The following CPEB3 variants were observed in gnomAD, a reference collection of about 807,000 sequenced individuals.
The protein encoded by CPEB3 is cytoplasmic polyadenylation element binding protein 3.
In CPEB3, 20 loss-of-function variants were observed where a neutral mutation model predicts 67.2. That is an observed-to-expected ratio of 0.30 (90% CI 0.21 to 0.43). CPEB3 has a LOEUF of 0.43. Ranked by LOEUF, CPEB3 falls within the 20% of genes least tolerant of loss-of-function variation. The probability of loss-of-function intolerance (pLI) is 1.00; values close to 1 mark genes in which losing one functional copy is unlikely to be tolerated. For missense variants in CPEB3, 746 were observed against 968.6 expected, an observed-to-expected ratio of 0.77 and a Z score of 3.05; for synonymous variants, 376 against 393.1, an observed-to-expected ratio of 0.96 and a Z score of 0.51.
At chr10:92,198,930 A>C (rs1309256767) in intron 2 of CPEB3, among the ~76,000 whole-genome samples, 1 of 152,218 alleles carries the variant, frequency 6.6e-6, no homozygotes, top group East Asian at 1.9e-4. Flanking sequence ...AGGACCAAAA[A>C]TCAAAAGGAT....
At chr10:92,113,824 T>A (rs527520636) in intron 6 of CPEB3, among the ~76,000 whole-genome samples, 1 of 151,852 alleles carries the variant, frequency 6.6e-6, no homozygotes, top group Non-Finnish European at 1.5e-5. Flanking sequence ...CTCACAGCCA[T>A]AAAATATCTA....
chr10:92,185,001 A>G (rs1848623772), intron 3 of CPEB3, among the ~76,000 whole-genome samples: 1 of 152,188 alleles, frequency 6.6e-6, no homozygotes, highest in South Asian at 2.1e-4. Flanking sequence ...GGAATTTTGG[A>G]GGAAAATAAA....
intron 3 of CPEB3, among the ~76,000 whole-genome samples, chr10:92,186,525 C>T (rs572065382): frequency 1.3e-5 from 2 of 151,456 alleles, no homozygotes; most frequent in South Asian, 2.1e-4. Context: ...AGCTCCACCT[C>T]GTGGGTTCAA....
At chr10:92,134,507 TAA>T (rs1453336525) in intron 6 of CPEB3, among the ~76,000 whole-genome samples, 1 of 151,610 alleles carries the variant, frequency 6.6e-6, no homozygotes, top group Non-Finnish European at 1.5e-5. Flanking sequence ...CTCAATGAAA[TAA>T]AAGAGGATAC....
intron 9 of CPEB3, among the ~76,000 whole-genome samples, chr10:92,068,005 G>A (rs966568676): frequency 6.6e-6 from 1 of 152,130 alleles, no homozygotes; most frequent in African/African-American, 2.4e-5. Context: ...TACAAAGGAT[G>A]AGACTTACCA....
At chr10:92,154,824 T>G (rs897745666) in intron 4 of CPEB3, among the ~76,000 whole-genome samples, 2 of 152,212 alleles carry the variant, frequency 1.3e-5, no homozygotes, top group Non-Finnish European at 2.9e-5. Flanking sequence ...TTTCAACACT[T>G]ATCAGGAGAG....
At chr10:92,257,993 G>C (rs1368055255) in intron 1 of CPEB3, among the ~76,000 whole-genome samples, 2 of 152,050 alleles carry the variant, frequency 1.3e-5, no homozygotes, top group Non-Finnish European at 2.9e-5. Flanking sequence ...GCCTACCAAA[G>C]TGCTGGGATT....
chr10:92,208,026 G>A (rs1008927338), intron 2 of CPEB3, among the ~76,000 whole-genome samples: 1 of 152,244 alleles, frequency 6.6e-6, no homozygotes, highest in Admixed American at 6.5e-5. Context: ...GGGATATGTT[G>A]AAGTAGGATA....
At chr10:92,195,474 C>G (rs76720585) in intron 2 of CPEB3, among the ~76,000 whole-genome samples, 15 of 152,226 alleles carry the variant, frequency 9.9e-5, no homozygotes, top group South Asian at 2.1e-4. Context: ...TTATCTGTAC[C>G]CATAAGAGGT....
chr10:92,226,416 C>G (rs879886089), intron 2 of CPEB3, among the ~76,000 whole-genome samples: 2 of 152,196 alleles, frequency 1.3e-5, no homozygotes, highest in African/African-American at 4.8e-5. Flanking sequence ...TTCCTATCAG[C>G]CTTACACCTG....
chr10:92,052,228 G>C lies in CPEB3; in HGVS notation c.2081C>G (p.Pro694Arg), dbSNP rs762507424. 6.2e-7 allele frequency: 1 copy of C among 1,613,454 alleles called. No individual in the cohort carries two copies. The highest frequency in any genetic ancestry group is 1.1e-5 in the South Asian group (1 of 91,028). ...GCCCGTGGCTCAGCTCCAGCGGAACGGGACGTGACGAGGGCGGTCGCCTCC... is the reference window on the plus strand; with the variant it reads ...GCCCGTGGCTCAGCTCCAGCGGAACCGGACGTGACGAGGGCGGTCGCCTCC... The part of the protein sequence containing the change: ...KEGGDRPRHV[P>R]FRWS Residue 694 changes from proline to arginine, a missense_variant, in exon 10 of 10, where the codon CCG (proline) becomes CGG (arginine). Pro to Arg is a moderately radical substitution (Grantham distance 103). Transcript: ENST00000265997.
chr10:92,291,120 G>T, upstream of CPEB3: 1 of 356,852 alleles, frequency 2.8e-6, no homozygotes, highest in Non-Finnish European at 5.1e-6. Flanking sequence ...GGCTGCTCTG[G>T]GCCGCCCTGC....
chr10:92,202,416 A>G (rs1315374285), intron 2 of CPEB3, among the ~76,000 whole-genome samples: 1 of 151,434 alleles, frequency 6.6e-6, no homozygotes, highest in Non-Finnish European at 1.5e-5. Context: ...AAATGGATAA[A>G]CAAATTTTGG....
Position 92,051,231 on chromosome 10 carries a change from T to G in CPEB3, c.*981A>C, listed in dbSNP as rs531847578. ...TTCTTTGAATGAAAAAAACTTTTTT[T>G]AAAAAATGAGTATTTTTATAGCTTA... On this transcript the variant is annotated 3_prime_UTR_variant, in exon 10 of 10. Coordinates refer to ENST00000265997, the MANE Select transcript of CPEB3 (RefSeq NM_014912.5). 6.6e-6 allele frequency: 1 copy of G among 152,636 alleles called. No homozygotes were observed. The highest frequency in any genetic ancestry group is 2.4e-5 in the African/African-American group (1 of 41,466). The allele number at this position is 152,636 out of a possible 1,614,324, so 9.5% of individuals were successfully genotyped here.
At chr10:92,266,048 T>G (rs1328632979) in intron 1 of CPEB3, among the ~76,000 whole-genome samples, 2 of 152,106 alleles carry the variant, frequency 1.3e-5, no homozygotes, top group Non-Finnish European at 1.5e-5. Flanking sequence ...CTTAGTGCCC[T>G]CGACATGTGA....
intron 2 of CPEB3, among the ~76,000 whole-genome samples, chr10:92,204,836 C>CTTTTTTT (rs750482213): frequency 8.0e-6 from 1 of 125,060 alleles, no homozygotes; most frequent in African/African-American, 3.1e-5. Context: ...ATCTTAACCA[C>CTTTTTTT]TTTTTTTTTT....
intron 4 of CPEB3, among the ~76,000 whole-genome samples, chr10:92,151,342 C>T (rs1846957982): frequency 6.6e-6 from 1 of 152,132 alleles, no homozygotes; most frequent in African/African-American, 2.4e-5. Flanking sequence ...TTGTAAGTAG[C>T]TCAGCAATCA....
At chr10:92,213,894 T>C (rs1354152343) in intron 2 of CPEB3, among the ~76,000 whole-genome samples, 2 of 152,200 alleles carry the variant, frequency 1.3e-5, no homozygotes, top group Admixed American at 6.6e-5. Context: ...CTGCAATTCA[T>C]GGTCACATTT....
intron 9 of CPEB3, among the ~76,000 whole-genome samples, chr10:92,080,480 G>A (rs1056747134): frequency 5.3e-5 from 8 of 152,130 alleles, no homozygotes; most frequent in African/African-American, 1.9e-4. Context: ...CAGTGTGGCA[G>A]GTAAGGCATG....
Sources: gnomAD v4.1 joint callset for allele counts (sites outside exome capture counted in the v4.1 genomes callset) on GRCh38, gnomAD v4.1.1 for gene constraint, MANE v1.5 for transcripts, NCBI Gene and HGNC (gene_info 2026-07-23, HGNC 2026-07-21) for gene names.